The following TNR variants were observed in gnomAD, a reference collection of about 807,000 sequenced individuals.
TNR encodes tenascin-R.
In TNR, 45 loss-of-function variants were observed where a neutral mutation model predicts 150.4. The observed-to-expected ratio is 0.30, with a 90% CI of 0.24 to 0.38. TNR has a LOEUF of 0.38. TNR is among the 10% of genes least tolerant of loss of function. The pLI is 1.00. For missense variants in TNR, 1,544 were observed against 1,759.1 expected, an observed-to-expected ratio of 0.88 and a Z score of 2.19; for synonymous variants, 687 against 678.4, an observed-to-expected ratio of 1.01 and a Z score of -0.20.
intron 1 of TNR, among the ~76,000 whole-genome samples, chr1:175,644,127 A>G (rs755469900): frequency 3.9e-5 from 6 of 152,366 alleles, no homozygotes; most frequent in Admixed American, 6.5e-5. Flanking sequence ...AGAGATTGTT[A>G]CTACAAATTA....
chr1:175,392,597 C>T (rs1420468629), intron 6 of TNR, among the ~76,000 whole-genome samples: 1 of 152,122 alleles, frequency 6.6e-6, no homozygotes, highest in African/African-American at 2.4e-5. Flanking sequence ...ACTCAATTGC[C>T]ACATTTTATT....
intron 1 of TNR, among the ~76,000 whole-genome samples, chr1:175,590,793 G>A (rs1662768609): frequency 6.6e-6 from 1 of 152,214 alleles, no homozygotes; most frequent in African/African-American, 2.4e-5. Context: ...ATAGCAGGAG[G>A]TAAGCTCAGA....
chr1:175,736,663 G>A lies in TNR; in HGVS notation c.-165+6563C>T, dbSNP rs1343339272. Among the ~76,000 whole-genome samples, 3 of 152,102 alleles carry A rather than the reference G, an allele frequency of 2.0e-5. No individual in the cohort carries two copies. In the East Asian group the frequency reaches 5.8e-4, roughly 29 times the overall value. On this transcript the variant is annotated intron_variant, in intron 1 of 22. Transcript: ENST00000367674. ...GCTTCTTGATGCCTTTGCCCCATGG[G>A]TTCTGTGTACATGTGGCCCAGAGCA...
rs1200923931 is a variant in TNR, at chr1:175,539,543, G to C, written c.-164-11174C>G. Among the ~76,000 whole-genome samples the C allele has an allele frequency of 2.0e-5, 3 of 152,220 alleles. 1 individual carries two copies. The highest frequency in any genetic ancestry group is 6.5e-5 in the Admixed American group (1 of 15,290). On this transcript the variant is annotated intron_variant, in intron 1 of 22. Transcript: ENST00000367674. The stretch of plus-strand genomic sequence containing the variant: ...AGGCAGAGAAAAACAGTTGCACTGA[G>C]ACCTGCTGGCTCTGGAAGGTCTCAT...
At chr1:175,576,832 C>T (rs1662131746) in intron 1 of TNR, among the ~76,000 whole-genome samples, 2 of 152,154 alleles carry the variant, frequency 1.3e-5, no homozygotes. Context: ...AAATAAGGCT[C>T]CTCTTCCTCT....
chr1:175,658,070 C>A (rs1281091350), intron 1 of TNR, among the ~76,000 whole-genome samples: 2 of 151,716 alleles, frequency 1.3e-5, no homozygotes, highest in Non-Finnish European at 2.9e-5. Context: ...AAGTGACAAG[C>A]CCCAGGGGCC....
rs547793991 is a variant in TNR, at chr1:175,609,046, G to A, written c.-164-80677C>T. Among the ~76,000 whole-genome samples, 12 of 152,318 alleles carry A rather than the reference G, an allele frequency of 7.9e-5. No individual in the cohort carries two copies. In the South Asian group the frequency reaches 2.5e-3, roughly 32 times the overall value. ...AATACTCCTCACAGCACTGTGTGTT[G>A]AGAAGTGTGGTAGTGGTTCTCTGAG... On this transcript the variant is annotated intron_variant, in intron 1 of 22. Transcript: ENST00000367674.
intron 15 of TNR, among the ~76,000 whole-genome samples, 178 bp downstream of exon 15, chr1:175,359,434 C>T (rs978749641): frequency 3.9e-5 from 6 of 152,104 alleles, no homozygotes; most frequent in South Asian, 4.2e-4. Context: ...GTGTGAGCCA[C>T]GATGCCCAGC....
At chr1:175,711,515 T>G (rs565832709) in intron 1 of TNR, among the ~76,000 whole-genome samples, 2 of 152,134 alleles carry the variant, frequency 1.3e-5, no homozygotes, top group Non-Finnish European at 2.9e-5. Flanking sequence ...CAGTGGAAGA[T>G]TCGGGGCAGG....
At chr1:175,639,624 T>G (rs1265162596) in intron 1 of TNR, among the ~76,000 whole-genome samples, 1 of 152,218 alleles carries the variant, frequency 6.6e-6, no homozygotes, top group Admixed American at 6.5e-5. Flanking sequence ...AAACCTTTAG[T>G]GTCTTTCTAG....
intron 4 of TNR, among the ~76,000 whole-genome samples, chr1:175,400,649 A>G (rs1017177943): frequency 2.0e-5 from 3 of 152,172 alleles, no homozygotes; most frequent in African/African-American, 7.2e-5. Flanking sequence ...GCTATTTTCT[A>G]CGCCCTTGCC....
chr1:175,450,261 G>A (rs1039122353), intron 2 of TNR, among the ~76,000 whole-genome samples: 2 of 152,114 alleles, frequency 1.3e-5, no homozygotes, highest in African/African-American at 4.8e-5. Context: ...GATTCAGCAG[G>A]GCCCCAAGTG....
intron 1 of TNR, among the ~76,000 whole-genome samples, chr1:175,548,256 CCTT>C (rs1660792705): frequency 2.0e-5 from 3 of 152,084 alleles, no homozygotes; most frequent in Admixed American, 2.0e-4. Flanking sequence ...TCTCCACTCT[CCTT>C]TTCCCAGGAC....
intron 1 of TNR, among the ~76,000 whole-genome samples, chr1:175,636,189 C>T (rs1664487418): frequency 6.6e-6 from 1 of 152,196 alleles, no homozygotes; most frequent in South Asian, 2.1e-4. Flanking sequence ...GGTCACCTTA[C>T]TGAACTGACA....
In TNR at chr1:175,599,647, A is replaced by T. The variant is rs746366151; in HGVS notation, c.-164-71278T>A. On this transcript the variant is annotated intron_variant, in intron 1 of 22. Transcript: ENST00000367674. This position sits in a 1 kb window ranked among gnomAD's most constrained non-coding sequence, Gnocchi z 4.7. ...CAGCAGGCTTATGCGGACCTGGCTA[A>T]CTCCAGAGGCCGGCGGCTCCTTGCG... Among the ~76,000 whole-genome samples, 12 of 152,072 alleles carry T rather than the reference A, an allele frequency of 7.9e-5. No individual in the cohort carries two copies. The highest frequency in any genetic ancestry group is 1.2e-4 in the Non-Finnish European group (8 of 68,002).
intron 21 of TNR, 106 bp downstream of exon 21, chr1:175,329,968 G>A: frequency 8.0e-7 from 1 of 1,245,012 alleles, no homozygotes; most frequent in Non-Finnish European, 1.1e-6. Flanking sequence ...AGCGAATGCT[G>A]GAACTCTGTG....
intron 20 of TNR, among the ~76,000 whole-genome samples, chr1:175,331,041 C>CTTTCTTTCTTTCT (rs1649764552): frequency 1.3e-5 from 1 of 75,858 alleles, no homozygotes; most frequent in African/African-American, 4.6e-5. Context: ...TTCTTTCTTT[C>CTTTCTTTCTTTCT]TTTCTTTCTT....
intron 1 of TNR, among the ~76,000 whole-genome samples, chr1:175,588,479 C>T (rs1256997933): frequency 1.3e-5 from 2 of 152,210 alleles, no homozygotes; most frequent in African/African-American, 4.8e-5. Flanking sequence ...ATCATAGTAG[C>T]TGCTGGGATT....
chr1:175,432,537 G>A (rs1655322083), intron 2 of TNR, among the ~76,000 whole-genome samples: 1 of 150,770 alleles, frequency 6.6e-6, no homozygotes, highest in South Asian at 2.1e-4. Context: ...CCTTGTTCTT[G>A]TTCCCCATTA....
Sources: gnomAD v4.1 joint callset for allele counts (sites outside exome capture counted in the v4.1 genomes callset) on GRCh38, gnomAD v4.1.1 for gene constraint, Gnocchi (gnomAD v3.1) non-coding constraint, MANE v1.5 for transcripts, NCBI Gene and HGNC (gene_info 2026-07-23, HGNC 2026-07-21) for gene names.